Variants in ZNF564 observed in about 807,000 individuals in gnomAD.
ZNF564 encodes the protein zinc finger protein 564.
In ZNF564, 5 loss-of-function variants were observed where a neutral mutation model predicts 10.5. The observed-to-expected ratio is 0.48, with a 90% CI of 0.25 to 1.00. ZNF564 has a LOEUF of 1.00. Ranked by LOEUF, ZNF564 falls within the 50% of genes least tolerant of loss-of-function variation. ZNF564 has a pLI of 0.16. For synonymous variants in ZNF564, 242 were observed against 218.1 expected (o/e 1.11, Z -0.97); for missense variants, 603 against 669.7 (o/e 0.90, Z 1.10).
intron 1 of ZNF564, chr19:12,541,296 C>T (rs2022045436): frequency 6.6e-6 from 1 of 152,088 alleles, no homozygotes; most frequent in African/African-American, 2.4e-5. Flanking sequence ...GCCTGTAATC[C>T]CATCACTTTG....
At position 12,526,930 on chromosome 19, in the gene ZNF564, T is replaced by A; in HGVS notation, c.1178A>T (p.Tyr393Phe). The A allele has an allele frequency of 6.2e-7, 1 of 1,614,208 alleles. No individual in the cohort carries two copies. The highest frequency in any genetic ancestry group is 8.5e-7 in the Non-Finnish European group (1 of 1,180,042). ...GGCTCTACCACATACCTGACATTTA[T>A]AAGGTCCATCTCCAGTGTGCTTTAT... ...HMIKHTGDGP[Y>F]KCQVCGRAFD... Residue 393 changes from tyrosine to phenylalanine, a missense_variant, in exon 4 of 4, where the codon TAT (tyrosine) becomes TTT (phenylalanine). Tyr to Phe is a conservative substitution (Grantham distance 22). Coordinates refer to ENST00000339282, the MANE Select transcript of ZNF564 (RefSeq NM_144976.4).
intron 1 of ZNF564, among the ~76,000 whole-genome samples, chr19:12,530,406 C>T (rs2021778672): frequency 6.6e-6 from 1 of 152,096 alleles, no homozygotes; most frequent in Non-Finnish European, 1.5e-5. Flanking sequence ...AGCAAAATCC[C>T]CAGTCATGAA....
intron 1 of ZNF564, among the ~76,000 whole-genome samples, chr19:12,529,163 C>T (rs1035138336): frequency 6.6e-6 from 1 of 152,070 alleles, no homozygotes; most frequent in East Asian, 1.9e-4. Context: ...GTCAGAATTC[C>T]GTCTACATTC....
intron 1 of ZNF564, among the ~76,000 whole-genome samples, chr19:12,532,489 C>T (rs999874111): frequency 2.2e-5 from 3 of 133,352 alleles, no homozygotes; most frequent in Admixed American, 8.5e-5. Flanking sequence ...GAGCCGAGAT[C>T]GCGCCACTGC....
intron 1 of ZNF564, among the ~76,000 whole-genome samples, chr19:12,538,549 C>G (rs1256136589): frequency 6.6e-6 from 1 of 151,936 alleles, no homozygotes; most frequent in Non-Finnish European, 1.5e-5. Flanking sequence ...TGCTTGAACC[C>G]AGGAGGCGGA....
At chr19:12,533,844 A>C (rs1325994354) in intron 1 of ZNF564, among the ~76,000 whole-genome samples, 1 of 151,438 alleles carries the variant, frequency 6.6e-6, no homozygotes, top group Non-Finnish European at 1.5e-5. Flanking sequence ...ATAATTGGAG[A>C]AGTCAATGAA....
intron 1 of ZNF564, among the ~76,000 whole-genome samples, chr19:12,534,889 A>T (rs900696716): frequency 3.9e-5 from 6 of 152,196 alleles, no homozygotes; most frequent in Non-Finnish European, 8.8e-5. Context: ...AAATAAGCTG[A>T]AAACATGTTC....
intron 2 of ZNF564, 56 bp from the exon 3 acceptor site, chr19:12,528,420 C>T: frequency 6.3e-7 from 1 of 1,578,648 alleles, no homozygotes; most frequent in South Asian, 1.1e-5. Flanking sequence ...AGAAAAATGA[C>T]TAGATTCTAA....
rs1027515938 is a variant in ZNF564, at chr19:12,546,389, A to G, written c.3+4941T>C. 3.3e-5 allele frequency among the ~76,000 whole-genome samples: 5 copies of G among 152,312 alleles called. No individual in the cohort carries two copies. The East Asian group carries it at 9.6e-4, about 29-fold the overall frequency. ...AGAGAAGCAGCATACTGCGGGGGAAAAAACCCTATTACTAATTTAGACGTC... is the reference window on the plus strand; with the variant it reads ...AGAGAAGCAGCATACTGCGGGGGAAGAAACCCTATTACTAATTTAGACGTC... On this transcript the variant is annotated intron_variant, in intron 1 of 3. Coordinates refer to ENST00000339282, the MANE Select transcript of ZNF564 (RefSeq NM_144976.4).
At chr19:12,541,754 G>T (rs996128421) in intron 1 of ZNF564, among the ~76,000 whole-genome samples, 6 of 151,910 alleles carry the variant, frequency 3.9e-5, no homozygotes, top group Non-Finnish European at 7.4e-5. Flanking sequence ...GGTGGCTCAC[G>T]CCTGTAATCC....
chr19:12,539,621 T>A (rs2021998216), intron 1 of ZNF564, among the ~76,000 whole-genome samples: 1 of 148,892 alleles, frequency 6.7e-6, no homozygotes, highest in Non-Finnish European at 1.5e-5. Context: ...TGAGCCGAGA[T>A]CGTGCCACTG....
chr19:12,529,200 T>C (rs771815220), intron 1 of ZNF564, among the ~76,000 whole-genome samples: 1 of 152,242 alleles, frequency 6.6e-6, no homozygotes, highest in African/African-American at 2.4e-5. Flanking sequence ...AATTACCCCA[T>C]GAAAACATGC....
chr19:12,551,310 G>T lies in ZNF564; in HGVS notation c.3+20C>A. ...CAAGCCCCTCCCCCAGTCTCCAGGC[G>T]CCCGGCCCCGCACACGCACCATTTC... On this transcript the variant is annotated intron_variant, in intron 1 of 3. Transcript: ENST00000339282. 2 of 1,605,650 alleles carry T rather than the reference G, an allele frequency of 1.2e-6. No individual in the cohort carries two copies. Among genetic ancestry groups the T allele is most frequent in the Non-Finnish European group, 8.5e-7 (1 of 1,176,264 alleles).
At chr19:12,546,609 T>C (rs972576476) in intron 1 of ZNF564, among the ~76,000 whole-genome samples, 3 of 151,984 alleles carry the variant, frequency 2.0e-5, no homozygotes, top group Admixed American at 2.0e-4. Context: ...TGGGCACCTG[T>C]AGTCCAGGCT....
At chr19:12,528,464 T>C (rs1198709560) in intron 2 of ZNF564, 100 bp from the exon 3 acceptor site, 2 of 1,577,408 alleles carry the variant, frequency 1.3e-6, no homozygotes, top group Non-Finnish European at 8.6e-7. Context: ...CCTGATTTAT[T>C]CACCCAAGTA....
chr19:12,533,360 G>A (rs750518189), intron 1 of ZNF564, among the ~76,000 whole-genome samples: 1 of 152,186 alleles, frequency 6.6e-6, no homozygotes, highest in Non-Finnish European at 1.5e-5. Flanking sequence ...AGCAAAAGCA[G>A]TGCATAGAGG....
chr19:12,540,778 C>T (rs930925101), intron 1 of ZNF564, among the ~76,000 whole-genome samples: 9 of 151,860 alleles, frequency 5.9e-5, no homozygotes, highest in East Asian at 1.9e-4. Context: ...GGTGTGAACT[C>T]GGGAGGCAGA....
intron 1 of ZNF564, among the ~76,000 whole-genome samples, chr19:12,537,774 G>A (rs1285146097): frequency 6.6e-6 from 1 of 151,198 alleles, no homozygotes; most frequent in African/African-American, 2.4e-5. Context: ...AAAAGAAAAT[G>A]TTTTCTTAAT....
intron 1 of ZNF564, among the ~76,000 whole-genome samples, chr19:12,543,543 G>A (rs2022097611): frequency 6.6e-6 from 1 of 151,306 alleles, no homozygotes; most frequent in Non-Finnish European, 1.5e-5. Context: ...AGGCATGGTG[G>A]CACACCTGTA....
Sources: gnomAD v4.1 joint callset for allele counts (sites outside exome capture counted in the v4.1 genomes callset) on GRCh38, gnomAD v4.1.1 for gene constraint, MANE v1.5 for transcripts, NCBI Gene and HGNC (gene_info 2026-07-23, HGNC 2026-07-21) for gene names.